The following GBE1 variants were observed in gnomAD, a reference collection of about 807,000 sequenced individuals.
GBE1 encodes the protein 1,4-alpha-glucan branching enzyme 1, also known as 1,4-alpha-glucan-branching enzyme.
Under a neutral mutation model 88.8 loss-of-function variants are expected in GBE1, and 70 were observed. The ratio of observed to expected loss-of-function variants is 0.79; its 90% CI spans 0.65 to 0.96. The LOEUF is 0.96. Ranked by LOEUF, GBE1 falls within the 40% of genes least tolerant of loss-of-function variation. The pLI, the probability that GBE1 is intolerant of heterozygous loss-of-function variation, is 0.00. For missense variants in GBE1, 872 were observed against 871.0 expected, an observed-to-expected ratio of 1.00 and a Z score of -0.01; for synonymous variants, 284 against 300.1, an observed-to-expected ratio of 0.95 and a Z score of 0.56.
At chr3:81,585,451 T>G (rs1322057965) in intron 10 of GBE1, among the ~76,000 whole-genome samples, 1 of 152,054 alleles carries the variant, frequency 6.6e-6, no homozygotes, top group African/African-American at 2.4e-5. Context: ...TGCAAAGAAA[T>G]GTTCTATATC....
intron 14 of GBE1, among the ~76,000 whole-genome samples, chr3:81,512,754 G>A (rs1285938684): frequency 2.6e-5 from 4 of 151,788 alleles, no homozygotes; most frequent in African/African-American, 9.7e-5. Flanking sequence ...TGCCTAACCA[G>A]TATCACTGGA....
chr3:81,687,319 C>T (rs989047234), intron 2 of GBE1, among the ~76,000 whole-genome samples: 3 of 152,058 alleles, frequency 2.0e-5, no homozygotes, highest in East Asian at 1.9e-4. Context: ...AACAGATGTA[C>T]AATATTAAGG....
intron 7 of GBE1, among the ~76,000 whole-genome samples, chr3:81,627,765 A>G (rs1704438989): frequency 1.5e-5 from 1 of 67,744 alleles, no homozygotes; most frequent in African/African-American, 4.7e-5. Context: ...ATATATATAT[A>G]TAAAAAACAT....
At chr3:81,706,627 G>A (rs1705778835) in intron 1 of GBE1, among the ~76,000 whole-genome samples, 1 of 152,098 alleles carries the variant, frequency 6.6e-6, no homozygotes, top group Non-Finnish European at 1.5e-5. Flanking sequence ...CGAGGCACGG[G>A]ATGTCCAGGG....
chr3:81,738,874 A>G (rs900555731), intron 1 of GBE1, among the ~76,000 whole-genome samples: 3 of 152,200 alleles, frequency 2.0e-5, no homozygotes, highest in African/African-American at 4.8e-5. Flanking sequence ...TCAGGCTGCT[A>G]TAACAAAATA....
At chr3:81,578,894 G>T (rs1359470154) in intron 11 of GBE1, among the ~76,000 whole-genome samples, 1 of 151,866 alleles carries the variant, frequency 6.6e-6, no homozygotes, top group Non-Finnish European at 1.5e-5. Context: ...TTCTAGAAAA[G>T]AAATTTGTTT....
At chr3:81,535,464 T>A in intron 13 of GBE1, 139 bp from the exon 14 acceptor site, 1 of 852,964 alleles carries the variant, frequency 1.2e-6, no homozygotes, top group Non-Finnish European at 1.7e-6. Flanking sequence ...TTGAACATGT[T>A]ACAATTTTGC....
chr3:81,579,851 C>T (rs1204460868), intron 11 of GBE1, among the ~76,000 whole-genome samples: 3 of 152,116 alleles, frequency 2.0e-5, no homozygotes, highest in Non-Finnish European at 2.9e-5. Context: ...CATCAAGTTT[C>T]TCTAAGGGTG....
intron 2 of GBE1, among the ~76,000 whole-genome samples, chr3:81,685,121 A>G (rs928263078): frequency 6.6e-6 from 1 of 152,170 alleles, no homozygotes; most frequent in African/African-American, 2.4e-5. Context: ...GCATTGTACC[A>G]AGTAGCTTCC....
At chr3:81,599,633 C>G (rs1239090900) in intron 7 of GBE1, among the ~76,000 whole-genome samples, 1 of 152,132 alleles carries the variant, frequency 6.6e-6, no homozygotes, top group Non-Finnish European at 1.5e-5. Context: ...GTATTATCAT[C>G]TTATGAGATC....
chr3:81,499,155 A>AT lies in GBE1; in HGVS notation c.2006_2007insA (p.Phe669LeufsTer4). ...CATTATGTTCAAAAGCCTCAGAAAA[A>AT]AAGTCAGTGCTGTGGTCCAGTCTCT... On this transcript the variant is annotated frameshift_variant, in exon 15 of 16. Coordinates refer to ENST00000429644, the MANE Select transcript of GBE1 (RefSeq NM_000158.4). LOFTEE classifies it high-confidence loss of function. 1 of 1,612,056 alleles carries AT rather than the reference A, an allele frequency of 6.2e-7. No homozygotes were observed. The highest frequency in any genetic ancestry group is 8.5e-7 in the Non-Finnish European group (1 of 1,178,910).
intron 12 of GBE1, among the ~76,000 whole-genome samples, 165 bp downstream of exon 12, chr3:81,577,760 G>A (rs1162342602): frequency 6.6e-6 from 1 of 152,018 alleles, no homozygotes; most frequent in Non-Finnish European, 1.5e-5. Context: ...TAACCTTACA[G>A]TGATTTAATT....
intron 1 of GBE1, among the ~76,000 whole-genome samples, chr3:81,761,021 A>G (rs984214666): frequency 6.6e-6 from 1 of 152,362 alleles, no homozygotes; most frequent in Non-Finnish European, 1.5e-5. Context: ...AGTGGGTGCC[A>G]AAGTCAGAAA....
intron 1 of GBE1, among the ~76,000 whole-genome samples, chr3:81,750,691 ATATG>A (rs1451796655): frequency 1.4e-4 from 14 of 101,848 alleles, no homozygotes; most frequent in Non-Finnish European, 1.9e-4. Context: ...ATATATATAT[ATATG>A]TATTTTTTTT....
chr3:81,579,111 T>C (rs1703687244), intron 11 of GBE1, among the ~76,000 whole-genome samples: 1 of 152,028 alleles, frequency 6.6e-6, no homozygotes. Flanking sequence ...GGTTCATAGA[T>C]AAAGCTTATT....
In GBE1 at chr3:81,490,218, A is replaced by C; in HGVS notation, c.*189T>G. 1 of 567,330 alleles carries C rather than the reference A, an allele frequency of 1.8e-6. No homozygotes were observed. Among genetic ancestry groups the C allele is most frequent in the Non-Finnish European group, 3.1e-6 (1 of 324,884 alleles). 35.1% of individuals were successfully genotyped at this position (567,330 alleles called of 1,614,324 possible). On this transcript the variant is annotated 3_prime_UTR_variant, in exon 16 of 16. Coordinates refer to ENST00000429644, the MANE Select transcript of GBE1 (RefSeq NM_000158.4). ...TATGGTCTAGGATTCCTAATATTTT[A>C]AACATATTCTCCCATCTACTTAAAT...
At chr3:81,512,973 G>C (rs1320167849) in intron 14 of GBE1, among the ~76,000 whole-genome samples, 1 of 151,072 alleles carries the variant, frequency 6.6e-6, no homozygotes, top group Non-Finnish European at 1.5e-5. Flanking sequence ...TGTTTAATTT[G>C]AATGGGCTGA....
chr3:81,714,851 T>C (rs1026344355), intron 1 of GBE1, among the ~76,000 whole-genome samples: 7 of 152,174 alleles, frequency 4.6e-5, no homozygotes, highest in African/African-American at 1.7e-4. Flanking sequence ...CACATTCTCA[T>C]TGTATCCTGA....
At chr3:81,617,797 A>C (rs1307592262) in intron 7 of GBE1, among the ~76,000 whole-genome samples, 1 of 151,928 alleles carries the variant, frequency 6.6e-6, no homozygotes, top group Non-Finnish European at 1.5e-5. Flanking sequence ...ATTAGTGTGA[A>C]TTCTTCTTCA....
Sources: allele counts gnomAD v4.1 joint callset (sites outside exome capture counted in the v4.1 genomes callset), GRCh38; gene constraint gnomAD v4.1.1; transcripts MANE v1.5; gene names NCBI Gene and HGNC (gene_info 2026-07-23, HGNC 2026-07-21).